The following HS6ST3 variants were observed in gnomAD, a reference collection of about 807,000 sequenced individuals.
HS6ST3 encodes heparan-sulfate 6-O-sulfotransferase 3.
HS6ST3 carries 12 observed loss-of-function variants against 36.7 expected under a neutral mutation model. That is an observed-to-expected ratio of 0.33 (90% confidence interval 0.21 to 0.53). The LOEUF (loss-of-function observed/expected upper bound fraction) is 0.53. HS6ST3 is among the 20% of genes least tolerant of loss of function. The pLI is 0.95. For synonymous variants in HS6ST3, 240 were observed against 257.5 expected, an observed-to-expected ratio of 0.93 and a Z score of 0.65; for missense variants, 584 against 640.9, an observed-to-expected ratio of 0.91 and a Z score of 0.96.
chr13:96,628,879 G>A (rs534979004), intron 1 of HS6ST3, among the ~76,000 whole-genome samples: 46 of 151,894 alleles, frequency 3.0e-4, no homozygotes, highest in African/African-American at 8.9e-4. Flanking sequence ...GCATATGTAC[G>A]TACACATGAA....
intron 1 of HS6ST3, among the ~76,000 whole-genome samples, chr13:96,354,606 T>C (rs1323425513): frequency 1.3e-5 from 2 of 152,148 alleles, no homozygotes; most frequent in African/African-American, 4.8e-5. Flanking sequence ...AAGAATTACA[T>C]AATGTTACTG....
Position 96,223,190 on chromosome 13 carries a change from A to G in HS6ST3, c.707+131621A>G, listed in dbSNP as rs193185409. Among the ~76,000 whole-genome samples the G allele has an allele frequency of 2.6e-4, 39 of 152,332 alleles. 1 individual carries two copies. The East Asian group carries it at 6.2e-3, about 24-fold the overall frequency. ...ATTAGTATGTTAGCTGTGTAATCCA[A>G]TGAGGACAAGAATGGGAGAAATCAT... On this transcript the variant is annotated intron_variant, in intron 1 of 1. Transcript: ENST00000376705.
At chr13:96,329,038 C>T (rs2139419285) in intron 1 of HS6ST3, among the ~76,000 whole-genome samples, 1 of 147,328 alleles carries the variant, frequency 6.8e-6, no homozygotes, top group African/African-American at 2.5e-5. Flanking sequence ...TCCCCTTTAT[C>T]ATTTTTTATT....
chr13:96,536,766 C>T (rs2056157097), intron 1 of HS6ST3, among the ~76,000 whole-genome samples: 1 of 152,158 alleles, frequency 6.6e-6, no homozygotes, highest in African/African-American at 2.4e-5. Context: ...TCAAAGAGCC[C>T]ATGACTAGTA....
chr13:96,639,351 G>C (rs2056562031), intron 1 of HS6ST3, among the ~76,000 whole-genome samples: 1 of 151,696 alleles, frequency 6.6e-6, no homozygotes, highest in Non-Finnish European at 1.5e-5. Context: ...AACCACTCAG[G>C]TTCTATTTTT....
chr13:96,341,558 G>T (rs1385869811), intron 1 of HS6ST3, among the ~76,000 whole-genome samples: 1 of 152,040 alleles, frequency 6.6e-6, no homozygotes, highest in South Asian at 2.1e-4. Flanking sequence ...TCACCCTGGG[G>T]ATCTACAGTA....
At chr13:96,539,772 G>A (rs1251901454) in intron 1 of HS6ST3, among the ~76,000 whole-genome samples, 1 of 152,146 alleles carries the variant, frequency 6.6e-6, no homozygotes, top group Non-Finnish European at 1.5e-5. Context: ...TAGGTATTTA[G>A]TTCCCCCAGT....
chr13:96,128,071 G>A (rs1430561698), intron 1 of HS6ST3, among the ~76,000 whole-genome samples: 1 of 152,188 alleles, frequency 6.6e-6, no homozygotes, highest in Non-Finnish European at 1.5e-5. Flanking sequence ...AATTGCTTCT[G>A]TTGTACACTT....
intron 1 of HS6ST3, among the ~76,000 whole-genome samples, chr13:96,266,644 G>A (rs1374757571): frequency 2.0e-5 from 3 of 152,056 alleles, no homozygotes; most frequent in South Asian, 2.1e-4. Flanking sequence ...TTGACTGTGG[G>A]TACATCCCTT....
intron 1 of HS6ST3, among the ~76,000 whole-genome samples, chr13:96,161,054 A>C (rs1195830381): frequency 6.6e-6 from 1 of 152,234 alleles, no homozygotes; most frequent in East Asian, 1.9e-4. Flanking sequence ...ATATTTGCCA[A>C]GTAGCATTTC....
intron 1 of HS6ST3, among the ~76,000 whole-genome samples, chr13:96,442,579 A>C (rs1049000028): frequency 2.6e-5 from 4 of 152,192 alleles, no homozygotes; most frequent in Admixed American, 6.5e-5. Flanking sequence ...CATGGATAGC[A>C]GAAAAAATGA....
At chr13:96,597,603 A>G (rs1465058686) in intron 1 of HS6ST3, among the ~76,000 whole-genome samples, 5 of 151,584 alleles carry the variant, frequency 3.3e-5, no homozygotes, top group African/African-American at 1.2e-4. Context: ...TCAAGTGTAT[A>G]GTTTGCTAAT....
At chr13:96,366,498 T>C (rs1259882766) in intron 1 of HS6ST3, among the ~76,000 whole-genome samples, 1 of 149,326 alleles carries the variant, frequency 6.7e-6, no homozygotes, top group Non-Finnish European at 1.5e-5. Flanking sequence ...CATCTGGGGA[T>C]CATGTAAGGC....
intron 1 of HS6ST3, among the ~76,000 whole-genome samples, chr13:96,738,801 C>T (rs1447872352): frequency 6.6e-6 from 1 of 152,154 alleles, no homozygotes; most frequent in Admixed American, 6.5e-5. Context: ...TTTTATTTCT[C>T]TCATGCAGAA....
chr13:96,562,610 C>T (rs920562753), intron 1 of HS6ST3, among the ~76,000 whole-genome samples: 16 of 152,040 alleles, frequency 1.1e-4, no homozygotes, highest in Non-Finnish European at 1.9e-4. Context: ...TTGCTCTTGA[C>T]CATTCAGATT....
chr13:96,694,205 G>T (rs528904096), intron 1 of HS6ST3, among the ~76,000 whole-genome samples: 345 of 152,030 alleles, frequency 2.3e-3, no homozygotes, highest in Non-Finnish European at 4.2e-3. Context: ...AGTGTGTGTT[G>T]TTCCCCTGTC....
chr13:96,831,105 T>C (rs1417607036), intron 1 of HS6ST3, among the ~76,000 whole-genome samples: 1 of 152,190 alleles, frequency 6.6e-6, no homozygotes, highest in Non-Finnish European at 1.5e-5. Context: ...AGTATTTACT[T>C]TCCTCTAATG....
At chr13:96,493,895 A>AT (rs927194216) in intron 1 of HS6ST3, among the ~76,000 whole-genome samples, 1 of 152,158 alleles carries the variant, frequency 6.6e-6, no homozygotes, top group East Asian at 1.9e-4. Context: ...TATTATGAAA[A>AT]TTTTTGCAGA....
chr13:96,605,495 T>C (rs933944393), intron 1 of HS6ST3, among the ~76,000 whole-genome samples: 8 of 152,142 alleles, frequency 5.3e-5, no homozygotes, highest in East Asian at 3.8e-4. Flanking sequence ...CATACTTATA[T>C]GTCCTAAGTC....
Sources: allele counts gnomAD v4.1 joint callset (sites outside exome capture counted in the v4.1 genomes callset), GRCh38; gene constraint gnomAD v4.1.1; transcripts MANE v1.5; gene names NCBI Gene and HGNC (gene_info 2026-07-23, HGNC 2026-07-21).